Variants in GRIN2B observed in about 807,000 individuals in gnomAD.
GRIN2B encodes the protein glutamate ionotropic receptor NMDA type subunit 2B.
In GRIN2B, 5 loss-of-function variants were observed where a neutral mutation model predicts 114.5. The ratio of observed to expected loss-of-function variants is 0.04; its 90% CI spans 0.02 to 0.09. GRIN2B has a LOEUF of 0.09. Among genes scored for constraint, GRIN2B ranks in the 10% least tolerant of loss-of-function variants. GRIN2B has a pLI of 1.00. For missense variants in GRIN2B, 1,108 were observed against 1,943.5 expected, an observed-to-expected ratio of 0.57 and a Z score of 8.08; for synonymous variants, 787 against 745.1, an observed-to-expected ratio of 1.06 and a Z score of -0.92.
At chr12:13,869,235 T>C (rs992384746) in intron 2 of GRIN2B, among the ~76,000 whole-genome samples, 1 of 139,032 alleles carries the variant, frequency 7.2e-6, no homozygotes, top group African/African-American at 2.8e-5. Context: ...CTTTTTCTTT[T>C]TTTTTCTTTT....
chr12:13,777,269 T>C (rs1305919243), intron 3 of GRIN2B, among the ~76,000 whole-genome samples: 1 of 152,188 alleles, frequency 6.6e-6, no homozygotes, highest in African/African-American at 2.4e-5. Context: ...AGCTGCTTCC[T>C]CTCACCAACT....
Position 13,555,854 on chromosome 12 carries a change from G to T in GRIN2B, c.*6929C>A, listed in dbSNP as rs1380359673. The T allele has an allele frequency of 6.6e-6, 1 of 152,188 alleles. No homozygotes were observed. 9.4% of individuals were successfully genotyped at this position (152,188 alleles called of 1,614,324 possible). A position where few individuals can be genotyped will look rare whatever the true frequency, so the allele number is the denominator to read the frequency against. On this transcript the variant is annotated 3_prime_UTR_variant, in exon 14 of 14. Transcript: ENST00000609686. ...GTCCAAGTGAGTAGGCTTCAGGTGAGGTTAAATTGATTGAATTTGTGCTCT... is the reference window on the plus strand; with the variant it reads ...GTCCAAGTGAGTAGGCTTCAGGTGATGTTAAATTGATTGAATTTGTGCTCT...
rs904693802 is a variant in GRIN2B, at chr12:13,980,590, C to T, written c.-447-234G>A. On this transcript the variant is annotated intron_variant, in intron 1 of 13. Transcript: ENST00000609686. ...CAGGCACGGATGAGAGGTGGGAAAGCCAACCTGAATGGAAGAGGAGAGAGG... is the reference window on the plus strand; with the variant it reads ...CAGGCACGGATGAGAGGTGGGAAAGTCAACCTGAATGGAAGAGGAGAGAGG... Among the ~76,000 whole-genome samples the T allele has an allele frequency of 2.0e-5, 3 of 151,724 alleles. No individual in the cohort carries two copies. In the East Asian group the frequency reaches 5.9e-4, roughly 30 times the overall value.
At chr12:13,686,349 G>A (rs1049158009) in intron 4 of GRIN2B, among the ~76,000 whole-genome samples, 1 of 152,064 alleles carries the variant, frequency 6.6e-6, no homozygotes, top group African/African-American at 2.4e-5. Context: ...TCCTCAAGAG[G>A]ACAGCACCAT....
chr12:13,609,251 G>A (rs1427848427), intron 9 of GRIN2B, among the ~76,000 whole-genome samples: 3 of 152,164 alleles, frequency 2.0e-5, no homozygotes, highest in South Asian at 4.1e-4. Context: ...TACCAAGAAT[G>A]CATTTTAACT....
At chr12:13,691,437 T>C (rs1950214402) in intron 4 of GRIN2B, among the ~76,000 whole-genome samples, 1 of 152,174 alleles carries the variant, frequency 6.6e-6, no homozygotes. Context: ...AAAGACTTAA[T>C]CCCTGTGAAA....
Position 13,564,361 on chromosome 12 carries a change from G to A in GRIN2B, c.2877C>T (p.Phe959=), listed in dbSNP as rs1354267543. ...YNNPPCEENL[F]SDYISEVERT... The stretch of plus-strand genomic sequence containing the variant: ...TCTCTACCTCACTGATGTAGTCACT[G>A]AAGAGGTTCTCCTCACAGGGCGGGT... Residue 959 remains phenylalanine (F), a synonymous_variant, in exon 14 of 14, where the codon TTC becomes TTT. Transcript: ENST00000609686. This position sits in a 1 kb window ranked among gnomAD's most constrained non-coding sequence, Gnocchi z 4.8. 1 of 1,614,212 alleles carries A rather than the reference G, an allele frequency of 6.2e-7. No individual in the cohort carries two copies.
intron 3 of GRIN2B, among the ~76,000 whole-genome samples, chr12:13,820,398 A>C (rs1864911636): frequency 6.6e-6 from 1 of 152,214 alleles, no homozygotes; most frequent in African/African-American, 2.4e-5. Flanking sequence ...ATATTTATTA[A>C]GCACCTATTA....
At chr12:13,574,268 C>A (rs935544067) in intron 10 of GRIN2B, among the ~76,000 whole-genome samples, 1 of 152,184 alleles carries the variant, frequency 6.6e-6, no homozygotes, top group Non-Finnish European at 1.5e-5. Flanking sequence ...AGACAGACAC[C>A]AGAATGCTTT....
chr12:13,886,428 C>G (rs1417980737), intron 2 of GRIN2B, among the ~76,000 whole-genome samples: 1 of 152,124 alleles, frequency 6.6e-6, no homozygotes, highest in Non-Finnish European at 1.5e-5. Context: ...ACATAAATGC[C>G]TAGAAGCTAA....
chr12:13,811,513 C>T (rs1267647667), intron 3 of GRIN2B, among the ~76,000 whole-genome samples: 4 of 152,168 alleles, frequency 2.6e-5, no homozygotes, highest in Admixed American at 2.0e-4. Context: ...CCTAGAAGGG[C>T]GAGGCTGCAG....
intron 2 of GRIN2B, among the ~76,000 whole-genome samples, chr12:13,889,635 G>C (rs10772718): frequency 0.4 from 60,335 of 151,996 alleles, 13,248 homozygotes; most frequent in East Asian, 0.63. Flanking sequence ...GGAATCAGAA[G>C]GTGAACTGTA....
chr12:13,828,617 T>G (rs527892565), intron 3 of GRIN2B, among the ~76,000 whole-genome samples: 1 of 152,276 alleles, frequency 6.6e-6, no homozygotes, highest in East Asian at 1.9e-4. Flanking sequence ...TGGAATTATC[T>G]CCAGGTAAAC....
In GRIN2B at chr12:13,681,104, G is replaced by A. The variant is rs1006065739; in HGVS notation, c.1011-5245C>T. 3.3e-5 allele frequency among the ~76,000 whole-genome samples: 5 copies of A among 152,132 alleles called. No individual in the cohort carries two copies. In the East Asian group the frequency reaches 9.6e-4, roughly 29 times the overall value. ...TGATTTAGCGGCATACCTTGAGTGG[G>A]AGGCACTCGAAGGAGCTCTACCAGA... On this transcript the variant is annotated intron_variant, in intron 4 of 13. Coordinates refer to ENST00000609686, the MANE Select transcript of GRIN2B (RefSeq NM_000834.5).
chr12:13,640,302 A>T (rs1949703226), intron 5 of GRIN2B, among the ~76,000 whole-genome samples: 1 of 152,178 alleles, frequency 6.6e-6, no homozygotes, highest in African/African-American at 2.4e-5. Context: ...TTATATGTAG[A>T]TCTGAATATT....
intron 2 of GRIN2B, among the ~76,000 whole-genome samples, chr12:13,918,893 T>A (rs1437165003): frequency 6.6e-6 from 1 of 152,226 alleles, no homozygotes; most frequent in Non-Finnish European, 1.5e-5. Context: ...TTTCTTTGTC[T>A]AGGATCCTTC....
At chr12:13,608,902 A>G in intron 9 of GRIN2B, 70 bp from the exon 10 acceptor site, 2 of 1,065,496 alleles carry the variant, frequency 1.9e-6, no homozygotes, top group Non-Finnish European at 2.9e-6. Flanking sequence ...CTACAAATAC[A>G]CAGGGTGAGT....
chr12:13,697,696 T>A (rs1950273883), intron 4 of GRIN2B, among the ~76,000 whole-genome samples: 1 of 77,298 alleles, frequency 1.3e-5, no homozygotes, highest in Admixed American at 1.7e-4. Context: ...CAATATAACC[T>A]CATCCATTAA....
intron 5 of GRIN2B, among the ~76,000 whole-genome samples, chr12:13,648,357 A>ATAAACATTAATAAC (rs1949782710): frequency 6.6e-6 from 1 of 151,994 alleles, no homozygotes. Flanking sequence ...ATAGAGAAGT[A>ATAAACATTAATAAC]TAAACATTAA....
Sources: gnomAD v4.1 joint callset for allele counts (sites outside exome capture counted in the v4.1 genomes callset) on GRCh38, gnomAD v4.1.1 for gene constraint, Gnocchi (gnomAD v3.1) non-coding constraint, MANE v1.5 for transcripts, NCBI Gene and HGNC (gene_info 2026-07-23, HGNC 2026-07-21) for gene names.